DLG4: variants seen among roughly 807,000 people sequenced by gnomAD.
DLG4 encodes the protein disks large homolog 4.
In DLG4, 7 loss-of-function variants were observed where a neutral mutation model predicts 93.8. That is an observed-to-expected ratio of 0.07 (90% CI 0.04 to 0.14). The LOEUF (loss-of-function observed/expected upper bound fraction) is 0.14, where lower values mean the gene tolerates loss of function less well. Ranked by LOEUF, DLG4 falls within the 10% of genes least tolerant of loss-of-function variation. DLG4 has a pLI of 1.00. For synonymous variants in DLG4, 341 were observed against 387.6 expected, an observed-to-expected ratio of 0.88 and a Z score of 1.41; for missense variants, 545 against 992.9, an observed-to-expected ratio of 0.55 and a Z score of 6.06.
rs1312132407 is a variant in DLG4 at position 7,189,492 on chromosome 17, AAAAAAAAC to A, written c.*1208_*1215del. Among the ~76,000 whole-genome samples, 9 of 151,964 alleles carry A rather than the reference AAAAAAAAC, an allele frequency of 5.9e-5. No individual in the cohort carries two copies. Among genetic ancestry groups the A allele is most frequent in the Admixed American group, 2.0e-4 (3 of 15,290 alleles). ...CGACAGAGCAAGACTCTGTCTCAAAAAAAAAAACAAAAAAACAAAAAAAATCATTTCCA... is the reference window on the plus strand; with the variant it reads ...CGACAGAGCAAGACTCTGTCTCAAAAAAAAAAACAAAAAAAATCATTTCCA... On this transcript the variant is annotated 3_prime_UTR_variant, in exon 20 of 20. Transcript: ENST00000399506.
chr17:7,200,368 C>T (rs1286492963), intron 8 of DLG4, among the ~76,000 whole-genome samples: 1 of 152,172 alleles, frequency 6.6e-6, no homozygotes, highest in Non-Finnish European at 1.5e-5. Flanking sequence ...TTATGTCTTT[C>T]AGTAAAGTTT....
chr17:7,209,474 C>T (rs946519242), intron 1 of DLG4, among the ~76,000 whole-genome samples: 16 of 152,070 alleles, frequency 1.1e-4, no homozygotes, highest in Admixed American at 7.2e-4. Context: ...CAGAATGCAC[C>T]GCCCAGTACA....
chr17:7,205,956 A>C (rs2070446807), intron 2 of DLG4, among the ~76,000 whole-genome samples: 1 of 151,146 alleles, frequency 6.6e-6, no homozygotes, highest in African/African-American at 2.4e-5. Context: ...CCCGCATCCC[A>C]CATGCTCCAT....
intron 19 of DLG4, 42 bp from the exon 20 acceptor site, chr17:7,190,856 C>G (rs1182028049): frequency 6.4e-7 from 1 of 1,552,832 alleles, no homozygotes; most frequent in East Asian, 2.2e-5. Flanking sequence ...AAGGAAGGGC[C>G]AGAGGACACC....
Position 7,194,197 on chromosome 17 carries a change from C to T in DLG4, c.1478+122G>A. 1 of 1,387,632 alleles carries T rather than the reference C, an allele frequency of 7.2e-7. No homozygotes were observed. The highest frequency in any genetic ancestry group is 9.7e-7 in the Non-Finnish European group (1 of 1,029,218). The allele number at this position is 1,387,632 out of a possible 1,614,324, so 86.0% of individuals were successfully genotyped here. ...ATGGGAGCCACGGACCCCAGGAGGG[C>T]CCAACAGACAAACCCCTAGGAGTTC... is the stretch of plus-strand genomic sequence containing the variant. On this transcript the variant is annotated intron_variant, in intron 12 of 19. Transcript: ENST00000399506. The surrounding 1 kb of genome is among the most constrained non-coding windows in gnomAD (Gnocchi z 4.4).
At chr17:7,197,553 T>C (rs111910382) in intron 8 of DLG4, among the ~76,000 whole-genome samples, 11,404 of 152,072 alleles carry the variant, frequency 0.075, 1,421 homozygotes, top group African/African-American at 0.26. Context: ...GCCGTGATCT[T>C]GGCTCACTGC....
chr17:7,191,882 A>G lies in DLG4; in HGVS notation c.1976+11T>C. The G allele has an allele frequency of 6.8e-7, 1 of 1,460,664 alleles. No homozygotes were observed. Among genetic ancestry groups the G allele is most frequent in the Non-Finnish European group, 9.1e-7 (1 of 1,103,030 alleles). 90.5% of individuals were successfully genotyped at this position (1,460,664 alleles called of 1,614,324 possible). ...GGGGAGCAAAGGGGAGGCCCCCAGG[A>G]CCATACTCACAGCACATTCTCCAGG... On this transcript the variant is annotated intron_variant, in intron 18 of 19. Coordinates refer to ENST00000399506, the MANE Select transcript of DLG4 (RefSeq NM_001321075.3). The surrounding 1 kb of genome is among the most constrained non-coding windows in gnomAD (Gnocchi z 6.6).
At chr17:7,213,826 G>A (rs886419646) in intron 1 of DLG4, 1 of 470,948 alleles carries the variant, frequency 2.1e-6, no homozygotes, top group African/African-American at 2.0e-5. Flanking sequence ...CCCGTTGATC[G>A]GCATCTGTTA....
At chr17:7,219,057 C>T (rs1161557070), upstream of DLG4, 4 of 627,842 alleles carry the variant, frequency 6.4e-6, no homozygotes, top group East Asian at 8.2e-5. Context: ...AACCTAGCCA[C>T]GCTCTCCTGA....
upstream of DLG4, chr17:7,219,161 C>T: frequency 2.3e-6 from 1 of 438,078 alleles, no homozygotes; most frequent in Non-Finnish European, 4.0e-6. Context: ...CCTCTCACCC[C>T]AATGAGAATT....
rs1259417322 is a variant in DLG4 at position 7,191,206 on chromosome 17, G to A, written c.2068+61C>T. 4 of 1,531,916 alleles carry A rather than the reference G, an allele frequency of 2.6e-6. No individual in the cohort carries two copies. Among genetic ancestry groups the A allele is most frequent in the African/African-American group, 2.7e-5 (2 of 73,358 alleles). 94.9% of individuals were successfully genotyped at this position (1,531,916 alleles called of 1,614,324 possible). ...GCCATCCACTGGGGGTGGCGGGGGA[G>A]CTCTTTCTAATCCGAGCAAGGGCAC... On this transcript the variant is annotated intron_variant, in intron 19 of 19. Coordinates refer to ENST00000399506, the MANE Select transcript of DLG4 (RefSeq NM_001321075.3). This position sits in a 1 kb window ranked among gnomAD's most constrained non-coding sequence, Gnocchi z 6.6.
chr17:7,190,860 G>A (rs200533385), intron 19 of DLG4, 46 bp from the exon 20 acceptor site: 1 of 1,518,916 alleles, frequency 6.6e-7, no homozygotes, highest in African/African-American at 1.4e-5. Context: ...AAGGGCCAGA[G>A]GACACCTGGC....
In DLG4 at chr17:7,208,100, C is replaced by CCCCA; in HGVS notation, c.96+73_96+74insTGGG. The CCCCA allele has an allele frequency of 7.6e-7, 1 of 1,317,962 alleles. No homozygotes were observed. The highest frequency in any genetic ancestry group is 1.5e-5 in the African/African-American group (1 of 66,498). 81.6% of individuals were successfully genotyped at this position (1,317,962 alleles called of 1,614,324 possible). On this transcript the variant is annotated intron_variant, in intron 2 of 19. Coordinates refer to ENST00000399506, the MANE Select transcript of DLG4 (RefSeq NM_001321075.3). This position sits in a 1 kb window ranked among gnomAD's most constrained non-coding sequence, Gnocchi z 5.4. ...CTTGAAGGGGGAGAGGTGGGCGTGG[C>CCCCA]CCACGACCCCGTGGCCAGCCTCGAG...
intron 2 of DLG4, chr17:7,204,524 G>A: frequency 4.7e-6 from 2 of 425,804 alleles, no homozygotes; most frequent in Non-Finnish European, 4.2e-6. Context: ...GGAGGTGTAG[G>A]AGAAGCGGGA....
intron 8 of DLG4, among the ~76,000 whole-genome samples, chr17:7,199,792 C>T (rs1330388011): frequency 1.3e-5 from 2 of 151,704 alleles, no homozygotes; most frequent in East Asian, 2.0e-4. Flanking sequence ...TCCTGGCTAT[C>T]ACGGTGAAAC....
chr17:7,217,503 G>C lies in DLG4; in HGVS notation c.-356C>G. ...GGAACTGGATTTCGGGGAGCCCCGG[G>C]GTAGGGGGGGGTCTTGCCAAACGGC... On this transcript the variant is annotated 5_prime_UTR_variant, in exon 1 of 20. Transcript: ENST00000399506. 4.2e-6 allele frequency: 1 copy of C among 240,472 alleles called. No individual in the cohort carries two copies. Among genetic ancestry groups the C allele is most frequent in the African/African-American group, 2.7e-5 (1 of 36,666 alleles). 14.9% of individuals were successfully genotyped at this position (240,472 alleles called of 1,614,324 possible). A position where few individuals can be genotyped will look rare whatever the true frequency, so the allele number is the denominator to read the frequency against.
intron 8 of DLG4, among the ~76,000 whole-genome samples, chr17:7,200,708 G>A (rs775075368): frequency 5.9e-5 from 9 of 151,488 alleles, no homozygotes; most frequent in Non-Finnish European, 1.0e-4. Context: ...CACCATGCCC[G>A]GCTAATTTTG....
intron 8 of DLG4, among the ~76,000 whole-genome samples, chr17:7,201,364 T>C (rs2070124918): frequency 6.6e-6 from 1 of 152,200 alleles, no homozygotes; most frequent in Admixed American, 6.5e-5. Flanking sequence ...GCTGGGGCAA[T>C]TCTGTCATAA....
chr17:7,191,526 C>G lies in DLG4; in HGVS notation c.1977-168G>C. The G allele has an allele frequency of 1.5e-6, 1 of 649,962 alleles. No homozygotes were observed. Among genetic ancestry groups the G allele is most frequent in the Non-Finnish European group, 2.7e-6 (1 of 373,692 alleles). The allele number at this position is 649,962 out of a possible 1,614,324, so 40.3% of individuals were successfully genotyped here. On this transcript the variant is annotated intron_variant, in intron 18 of 19. Transcript: ENST00000399506. This position sits in a 1 kb window ranked among gnomAD's most constrained non-coding sequence, Gnocchi z 6.6. ...CACAGATGAGAACCACCCCCCACCC[C>G]CCTGCCACCCGCAACCGCCCCAGCC...
Sources: gnomAD v4.1 joint callset for allele counts (sites outside exome capture counted in the v4.1 genomes callset) on GRCh38, gnomAD v4.1.1 for gene constraint, Gnocchi (gnomAD v3.1) non-coding constraint, MANE v1.5 for transcripts, NCBI Gene and HGNC (gene_info 2026-07-23, HGNC 2026-07-21) for gene names.